NEK11: variants seen among roughly 807,000 people sequenced by gnomAD.
NEK11 encodes serine/threonine-protein kinase Nek11.
A neutral mutation model predicts 80.7 loss-of-function variants in NEK11; 72 were observed. The observed-to-expected ratio is 0.89, with a 90% confidence interval of 0.74 to 1.08. NEK11 has a LOEUF of 1.08. Among genes scored for constraint, NEK11 ranks in the 50% least tolerant of loss-of-function variants. NEK11 has a pLI of 0.00. For synonymous variants in NEK11, 251 were observed against 260.7 expected (o/e 0.96, Z 0.36); for missense variants, 764 against 763.6 (o/e 1.00, Z -0.01).
At chr3:131,165,555 T>C (rs374459206) in intron 12 of NEK11, 36 bp downstream of exon 12, 9 of 1,377,834 alleles carry the variant, frequency 6.5e-6, no homozygotes, top group Middle Eastern at 1.8e-4. Context: ...TACATAAAAA[T>C]TTTTCTTGCT....
chr3:131,319,164 T>G (rs2109677384), intron 17 of NEK11, among the ~76,000 whole-genome samples: 1 of 152,306 alleles, frequency 6.6e-6, no homozygotes, highest in African/African-American at 2.4e-5. Context: ...CACAGGATTC[T>G]TACTTATTGC....
At chr3:131,127,980 G>T (rs1299413695) in intron 5 of NEK11, among the ~76,000 whole-genome samples, 1 of 152,110 alleles carries the variant, frequency 6.6e-6, no homozygotes, top group African/African-American at 2.4e-5. Context: ...TCTACTCAAA[G>T]CTCTGATTAA....
chr3:131,091,029 A>C (rs1220915181), intron 4 of NEK11, among the ~76,000 whole-genome samples: 1 of 152,200 alleles, frequency 6.6e-6, no homozygotes, highest in African/African-American at 2.4e-5. Flanking sequence ...CACCTGAATT[A>C]CTGGGATTAC....
intron 10 of NEK11, among the ~76,000 whole-genome samples, chr3:131,158,917 A>T (rs2674622): frequency 0.82 from 124,137 of 152,118 alleles, 50,742 homozygotes; most frequent in East Asian, 0.86. Context: ...AGGAGCACAT[A>T]GGCCCCCCCA....
chr3:131,246,717 T>C (rs2095608460), intron 16 of NEK11, among the ~76,000 whole-genome samples: 1 of 152,196 alleles, frequency 6.6e-6, no homozygotes, highest in Non-Finnish European at 1.5e-5. Flanking sequence ...TGTACTAATT[T>C]ACATTCCCAT....
At chr3:131,180,124 T>C (rs1459471013) in intron 14 of NEK11, among the ~76,000 whole-genome samples, 1 of 152,140 alleles carries the variant, frequency 6.6e-6, no homozygotes, top group Non-Finnish European at 1.5e-5. Context: ...CAGAAGTAGA[T>C]TGGAAGTAGC....
intron 5 of NEK11, among the ~76,000 whole-genome samples, chr3:131,121,692 C>T (rs2082404863): frequency 6.6e-6 from 1 of 152,168 alleles, no homozygotes; most frequent in Non-Finnish European, 1.5e-5. Flanking sequence ...ATGGTGGACG[C>T]CCCTCCCCCA....
chr3:131,268,630 C>T (rs1207941283), intron 16 of NEK11, among the ~76,000 whole-genome samples: 1 of 152,214 alleles, frequency 6.6e-6, no homozygotes, highest in African/African-American at 2.4e-5. Flanking sequence ...GCTGCCTGTT[C>T]CTTCCTCTGG....
intron 17 of NEK11, among the ~76,000 whole-genome samples, chr3:131,280,023 G>A (rs925971791): frequency 6.6e-6 from 1 of 152,168 alleles, no homozygotes; most frequent in African/African-American, 2.4e-5. Flanking sequence ...TGAGTAGAGG[G>A]AGTCTCCTTC....
At chr3:131,058,369 C>A (rs1220177385) in intron 3 of NEK11, among the ~76,000 whole-genome samples, 1 of 152,078 alleles carries the variant, frequency 6.6e-6, no homozygotes, top group African/African-American at 2.4e-5. Context: ...CTTGGCGATG[C>A]GGGCTCTTTT....
At chr3:131,077,287 C>T (rs1265827819) in intron 3 of NEK11, among the ~76,000 whole-genome samples, 2 of 152,066 alleles carry the variant, frequency 1.3e-5, no homozygotes, top group Non-Finnish European at 2.9e-5. Context: ...TGGTAAGTTT[C>T]CATGCTGTCT....
chr3:131,059,928 G>A (rs1044759251), intron 3 of NEK11, among the ~76,000 whole-genome samples: 4 of 152,176 alleles, frequency 2.6e-5, no homozygotes, highest in African/African-American at 9.7e-5. Context: ...ACACAGACAG[G>A]ACCAGCTATA....
chr3:131,297,028 A>T (rs2096601432), intron 17 of NEK11, among the ~76,000 whole-genome samples: 1 of 152,184 alleles, frequency 6.6e-6, no homozygotes, highest in Non-Finnish European at 1.5e-5. Context: ...TCCATGGTGT[A>T]TATGTGCCAC....
At chr3:131,333,534 C>T (rs1465017411) in intron 17 of NEK11, among the ~76,000 whole-genome samples, 8 of 152,092 alleles carry the variant, frequency 5.3e-5, no homozygotes, top group Non-Finnish European at 8.8e-5. Flanking sequence ...TAAAGACCAT[C>T]GAGGCTAGGA....
chr3:131,165,531 C>A lies in NEK11; in HGVS notation c.1176+12C>A. On this transcript the variant is annotated intron_variant, in intron 12 of 17. Transcript: ENST00000383366. ...TTGATGTACTCCATGTAAGTACCCT[C>A]TTATTTTAAATTTTACATAAAAATT... is the stretch of plus-strand genomic sequence containing the variant. 1.3e-6 allele frequency: 2 copies of A among 1,547,402 alleles called. No individual in the cohort carries two copies. Among genetic ancestry groups the A allele is most frequent in the Non-Finnish European group, 1.8e-6 (2 of 1,129,860 alleles).
chr3:131,040,706 T>C (rs141369579), intron 3 of NEK11, among the ~76,000 whole-genome samples: 187 of 152,286 alleles, frequency 1.2e-3, no homozygotes, highest in Non-Finnish European at 1.9e-3. Context: ...GGTACCTTTA[T>C]TGGGCAAGTG....
intron 10 of NEK11, among the ~76,000 whole-genome samples, chr3:131,159,449 C>T (rs994567723): frequency 6.6e-6 from 1 of 152,116 alleles, no homozygotes; most frequent in Admixed American, 6.5e-5. Flanking sequence ...TGTAACTGAC[C>T]TGATTGAGCT....
chr3:131,109,952 T>C, intron 5 of NEK11, 31 bp downstream of exon 5: 3 of 1,563,206 alleles, frequency 1.9e-6, no homozygotes, highest in Non-Finnish European at 2.6e-6. Flanking sequence ...GGGAGCATGA[T>C]ATATTTTTAA....
chr3:131,343,913 G>C (rs2097323914), intron 17 of NEK11, among the ~76,000 whole-genome samples: 1 of 152,170 alleles, frequency 6.6e-6, no homozygotes, highest in Admixed American at 6.5e-5. Context: ...AAATGCCTTT[G>C]AGGCCTCTTC....
Sources: allele counts gnomAD v4.1 joint callset (sites outside exome capture counted in the v4.1 genomes callset), GRCh38; gene constraint gnomAD v4.1.1; transcripts MANE v1.5; gene names NCBI Gene and HGNC (gene_info 2026-07-23, HGNC 2026-07-21).